The following FBXL12 variants were observed in gnomAD, a reference collection of about 807,000 sequenced individuals.
FBXL12 encodes F-box/LRR-repeat protein 12.
In FBXL12, 22 loss-of-function variants were observed where a neutral mutation model predicts 24.9. That is an observed-to-expected ratio of 0.88 (90% CI 0.63 to 1.26). The LOEUF (loss-of-function observed/expected upper bound fraction) is 1.26, where lower values mean the gene tolerates loss of function less well. Among genes scored for constraint, FBXL12 ranks in the 50% most tolerant of loss-of-function variants. The pLI, the probability that FBXL12 is intolerant of heterozygous loss-of-function variation, is 0.00. For missense variants in FBXL12, 384 were observed against 434.1 expected (o/e 0.88, Z 1.03); for synonymous variants, 193 against 193.8 (o/e 1.00, Z 0.03).
At chr19:9,817,193 G>A (rs755096682) in intron 2 of FBXL12, among the ~76,000 whole-genome samples, 15 of 152,176 alleles carry the variant, frequency 9.9e-5, no homozygotes, top group East Asian at 1.9e-4. Flanking sequence ...CTTCTCAGGC[G>A]GCTGAGGCAG....
intron 2 of FBXL12, among the ~76,000 whole-genome samples, chr19:9,815,034 C>A (rs1158994806): frequency 6.6e-6 from 1 of 152,188 alleles, no homozygotes; most frequent in African/African-American, 2.4e-5. Flanking sequence ...CAAAAGTCCA[C>A]AGTCCAAAGT....
intron 2 of FBXL12, among the ~76,000 whole-genome samples, chr19:9,813,592 C>T (rs562541044): frequency 9.9e-5 from 15 of 151,982 alleles, no homozygotes; most frequent in African/African-American, 3.6e-4. Context: ...ATCTCCACCT[C>T]CCAGGTTCAA....
At position 9,818,610 on chromosome 19, in the gene FBXL12, G is replaced by C; in HGVS notation, c.94C>G (p.His32Asp). ...RDRIRISRVC[H>D]RWKRLVDDRW... ...TCGTCCACCAGCCTCTTCCAGCGGT[G>C]ACAGACCCTGGGGGAGGGGACGCGC... Residue 32 changes from histidine (H) to aspartate (D), a missense_variant, in exon 2 of 3, where the codon CAC (histidine) becomes GAC (aspartate). Coordinates refer to ENST00000247977, the MANE Select transcript of FBXL12 (RefSeq NM_017703.3). The C allele has an allele frequency of 1.3e-6, 2 of 1,554,890 alleles. No homozygotes were observed.
At chr19:9,816,321 TAGTC>T (rs1378401516) in intron 2 of FBXL12, among the ~76,000 whole-genome samples, 3 of 152,176 alleles carry the variant, frequency 2.0e-5, no homozygotes, top group Non-Finnish European at 4.4e-5. Context: ...TTCTATCACA[TAGTC>T]AGGCTACAAA....
Position 9,811,031 on chromosome 19 carries a change from G to C in FBXL12, c.846C>G (p.Pro282=), listed in dbSNP as rs1256463759. Residue 282 remains proline, a synonymous_variant, in exon 3 of 3, where the codon CCC becomes CCG. Transcript: ENST00000247977. The surrounding 1 kb of genome is among the most constrained non-coding windows in gnomAD (Gnocchi z 6.0). ...TEILSSCLTM[P]KLRVLELQGL... ...CCTGCAGCTCAAGGACTCTGAGCTTGGGCATAGTGAGGCAGGAGGAGAGGA... is the reference window on the plus strand; with the variant it reads ...CCTGCAGCTCAAGGACTCTGAGCTTCGGCATAGTGAGGCAGGAGGAGAGGA... The C allele has an allele frequency of 1.2e-6, 2 of 1,606,468 alleles. No individual in the cohort carries two copies. The highest frequency in any genetic ancestry group is 3.3e-5 in the Admixed American group (2 of 59,830).
chr19:9,818,653 C>T (rs1479970592), intron 1 of FBXL12, 36 bp from the exon 2 acceptor site: 1 of 1,547,906 alleles, frequency 6.5e-7, no homozygotes, highest in African/African-American at 1.4e-5. Context: ...ACGACCCCAG[C>T]CCCGGGCCAC....
chr19:9,810,811 T>G lies in FBXL12; in HGVS notation c.*85A>C. On this transcript the variant is annotated 3_prime_UTR_variant, in exon 3 of 3. Coordinates refer to ENST00000247977, the MANE Select transcript of FBXL12 (RefSeq NM_017703.3). ...GGGCTTTCAGTTTCCTCAAGTCTGATTATCTGCCCTCTTCAAGGTGCTGCT... is the reference window on the plus strand; with the variant it reads ...GGGCTTTCAGTTTCCTCAAGTCTGAGTATCTGCCCTCTTCAAGGTGCTGCT... The G allele has an allele frequency of 9.1e-7, 1 of 1,100,154 alleles. No individual in the cohort carries two copies. The highest frequency in any genetic ancestry group is 1.3e-6 in the Non-Finnish European group (1 of 775,684). The allele number at this position is 1,100,154 out of a possible 1,614,324, so 68.1% of individuals were successfully genotyped here.
intron 2 of FBXL12, chr19:9,813,483 G>C (rs1234008965): frequency 5.2e-5 from 15 of 291,098 alleles, no homozygotes; most frequent in Admixed American, 4.7e-4. Context: ...TTACAGGCAT[G>C]TGCCACCATG....
chr19:9,810,702 CTGA>C lies in FBXL12; in HGVS notation c.*191_*193del. 2.1e-6 allele frequency: 1 copy of C among 474,738 alleles called. No individual in the cohort carries two copies. 29.4% of individuals were successfully genotyped at this position (474,738 alleles called of 1,614,324 possible). A position where few individuals can be genotyped will look rare whatever the true frequency, so the allele number is the denominator to read the frequency against. On this transcript the variant is annotated 3_prime_UTR_variant, in exon 3 of 3. Transcript: ENST00000247977. ...ATGTGGGAACTAGGCTTCCCAGAGG[CTGA>C]TGATATGACCAAGGCCACACAGCTG...
chr19:9,810,822 C>T lies in FBXL12; in HGVS notation c.*74G>A. 5.6e-6 allele frequency: 7 copies of T among 1,257,826 alleles called. No individual in the cohort carries two copies. Among genetic ancestry groups the T allele is most frequent in the Non-Finnish European group, 7.7e-6 (7 of 908,156 alleles). 77.9% of individuals were successfully genotyped at this position (1,257,826 alleles called of 1,614,324 possible). A position where few individuals can be genotyped will look rare whatever the true frequency, so the allele number is the denominator to read the frequency against. ...TTCCTCAAGTCTGATTATCTGCCCT[C>T]TTCAAGGTGCTGCTCAGAGGGTCTG... On this transcript the variant is annotated 3_prime_UTR_variant, in exon 3 of 3. Transcript: ENST00000247977.
At position 9,811,921 on chromosome 19, in the gene FBXL12, T is replaced by C. The variant is rs1346774942; in HGVS notation, c.160-204A>G. On this transcript the variant is annotated intron_variant, in intron 2 of 2. Transcript: ENST00000247977. This position sits in a 1 kb window ranked among gnomAD's most constrained non-coding sequence, Gnocchi z 6.0. ...GTGCACCATCTTGCCTGCTAGGGCTTTGAACAAATCTTTTTTTTTTTTTTT... is the reference window on the plus strand; with the variant it reads ...GTGCACCATCTTGCCTGCTAGGGCTCTGAACAAATCTTTTTTTTTTTTTTT... Among the ~76,000 whole-genome samples the C allele has an allele frequency of 6.6e-6, 1 of 151,920 alleles. No individual in the cohort carries two copies. The highest frequency in any genetic ancestry group is 2.4e-5 in the African/African-American group (1 of 41,378).
intron 2 of FBXL12, chr19:9,813,093 C>G: frequency 2.2e-6 from 1 of 449,676 alleles, no homozygotes; most frequent in East Asian, 3.7e-5. Context: ...TATATCAAAG[C>G]CTGGTAGAGT....
chr19:9,817,885 T>C (rs1052811198), intron 2 of FBXL12, among the ~76,000 whole-genome samples: 1 of 152,200 alleles, frequency 6.6e-6, no homozygotes, highest in Non-Finnish European at 1.5e-5. Flanking sequence ...CAATTATCTA[T>C]GAAGACAGTT....
intron 2 of FBXL12, among the ~76,000 whole-genome samples, chr19:9,817,456 TA>T (rs1413492006): frequency 2.0e-5 from 3 of 152,164 alleles, no homozygotes; most frequent in Admixed American, 6.5e-5. Context: ...TTAAAGTTGG[TA>T]AAATTTTAAA....
intron 2 of FBXL12, among the ~76,000 whole-genome samples, chr19:9,812,912 A>G (rs1399028741): frequency 6.6e-6 from 1 of 152,124 alleles, no homozygotes; most frequent in Non-Finnish European, 1.5e-5. Context: ...CGTCTCTACT[A>G]AAAATACAAA....
In FBXL12 at chr19:9,810,438, A is replaced by C; in HGVS notation, c.*458T>G. On this transcript the variant is annotated 3_prime_UTR_variant, in exon 3 of 3. Coordinates refer to ENST00000247977, the MANE Select transcript of FBXL12 (RefSeq NM_017703.3). ...CCGCGTCTCTTGCGTGCGTGTAGGT[A>C]TATAAATGGTGTATAGGCTTGTGGG... The C allele has an allele frequency of 6.4e-6, 1 of 157,166 alleles. No homozygotes were observed. The highest frequency in any genetic ancestry group is 1.4e-5 in the Non-Finnish European group (1 of 71,488). The allele number at this position is 157,166 out of a possible 1,614,324, so 9.7% of individuals were successfully genotyped here.
In FBXL12 at chr19:9,810,878, C is replaced by CA. The variant is rs1568340053; in HGVS notation, c.*17dup. ...CAATGATGAAAACTGGGATGGGTCC[C>CA]AAGGGCAGGTGGAGTAGTTACATCC... On this transcript the variant is annotated 3_prime_UTR_variant, in exon 3 of 3. Transcript: ENST00000247977. 1 of 1,557,168 alleles carries CA rather than the reference C, an allele frequency of 6.4e-7. No homozygotes were observed. The highest frequency in any genetic ancestry group is 2.3e-5 in the East Asian group (1 of 43,922).
At position 9,811,669 on chromosome 19, in the gene FBXL12, G is replaced by A. The variant is rs770946816; in HGVS notation, c.208C>T (p.Arg70Trp). ...CCACCCATCCGCAGGGAATGGAGCC[G>A]GGATGCCATGTACCTTCGAAGGAGG... ...WHLLRRYMAS[R>W]LHSLRMGGYL... is the part of the protein sequence containing the mutation. Residue 70 changes from arginine to tryptophan, a missense_variant, in exon 3 of 3, where the codon CGG becomes TGG. Physicochemically the swap from Arg to Trp is moderately radical, Grantham distance 101. Coordinates refer to ENST00000247977, the MANE Select transcript of FBXL12 (RefSeq NM_017703.3). This position sits in a 1 kb window ranked among gnomAD's most constrained non-coding sequence, Gnocchi z 6.0. 16 of 1,518,024 alleles carry A rather than the reference G, an allele frequency of 1.1e-5. No homozygotes were observed. The highest frequency in any genetic ancestry group is 1.8e-4 in the Middle Eastern group (1 of 5,600). The allele number at this position is 1,518,024 out of a possible 1,614,324, so 94.0% of individuals were successfully genotyped here.
rs755953779 is a variant in FBXL12 at position 9,818,717 on chromosome 19, C to T, written c.86+11G>A. ...TCCGCCCTGCCCTTCCCCCCGGAGG[C>T]GGGGCCGCACCTGGAGATGCGGATC... On this transcript the variant is annotated intron_variant, in intron 1 of 2. Transcript: ENST00000247977. 3 of 1,543,994 alleles carry T rather than the reference C, an allele frequency of 1.9e-6. No homozygotes were observed. The Admixed American group carries it at 5.9e-5, about 30-fold the overall frequency.
Sources: allele counts gnomAD v4.1 joint callset (sites outside exome capture counted in the v4.1 genomes callset), GRCh38; gene constraint gnomAD v4.1.1; non-coding constraint Gnocchi (gnomAD v3.1); transcripts MANE v1.5; gene names NCBI Gene and HGNC (gene_info 2026-07-23, HGNC 2026-07-21).